Variants in KIF6 observed in about 807,000 individuals in gnomAD.
The protein encoded by KIF6 is kinesin family member 6, also known as kinesin-like protein KIF6.
Under a neutral mutation model 112.7 loss-of-function variants are expected in KIF6, and 106 were observed. That is an observed-to-expected ratio of 0.94 (90% confidence interval 0.80 to 1.11). KIF6 has a LOEUF of 1.11. Ranked by LOEUF, KIF6 falls within the 50% of genes least tolerant of loss-of-function variation. KIF6 has a pLI of 0.00. For missense variants in KIF6, 929 were observed against 964.0 expected (o/e 0.96, Z 0.48); for synonymous variants, 339 against 339.9 (o/e 1.00, Z 0.03).
At chr6:39,660,796 T>G (rs1394529416) in intron 3 of KIF6, among the ~76,000 whole-genome samples, 1 of 152,232 alleles carries the variant, frequency 6.6e-6, no homozygotes, top group Non-Finnish European at 1.5e-5. Flanking sequence ...GCGTCCATTT[T>G]CTTTCTAAAT....
chr6:39,705,562 C>G (rs1789154781), intron 3 of KIF6, among the ~76,000 whole-genome samples: 1 of 152,190 alleles, frequency 6.6e-6, no homozygotes, highest in African/African-American at 2.4e-5. Context: ...ACACCTGACA[C>G]TATTCTAGGA....
chr6:39,377,885 T>C (rs1350629795), intron 16 of KIF6, among the ~76,000 whole-genome samples: 1 of 152,058 alleles, frequency 6.6e-6, no homozygotes, highest in African/African-American at 2.4e-5. Context: ...GCTGCTTTTG[T>C]TCAAGGAGAT....
intron 13 of KIF6, among the ~76,000 whole-genome samples, chr6:39,446,074 CA>C (rs1772292334): frequency 1.3e-5 from 2 of 152,122 alleles, no homozygotes; most frequent in Admixed American, 6.5e-5. Flanking sequence ...GATTCCTGTT[CA>C]GTGGTGGGGG....
At chr6:39,418,303 T>A (rs1770082499) in intron 15 of KIF6, among the ~76,000 whole-genome samples, 1 of 152,258 alleles carries the variant, frequency 6.6e-6, no homozygotes, top group African/African-American at 2.4e-5. Flanking sequence ...GGCAGTCTGA[T>A]GACCTTACGG....
intron 3 of KIF6, among the ~76,000 whole-genome samples, chr6:39,643,112 A>T (rs1049526680): frequency 6.6e-6 from 1 of 152,216 alleles, no homozygotes; most frequent in Non-Finnish European, 1.5e-5. Context: ...CAGACATAGA[A>T]GTCTCTATTT....
chr6:39,385,773 G>T, intron 15 of KIF6, 101 bp from the exon 16 acceptor site: 1 of 756,584 alleles, frequency 1.3e-6, no homozygotes, highest in Non-Finnish European at 2.3e-6. Flanking sequence ...AAAAAAAAAG[G>T]TAGAGTAAGG....
At chr6:39,356,275 C>CTT (rs1206487444) in intron 19 of KIF6, among the ~76,000 whole-genome samples, 1 of 145,588 alleles carries the variant, frequency 6.9e-6, no homozygotes, top group Non-Finnish European at 1.5e-5. Context: ...ACACCTTCTT[C>CTT]TTTTTTTTTT....
chr6:39,559,379 G>A (rs1779893910), intron 10 of KIF6, among the ~76,000 whole-genome samples: 1 of 152,090 alleles, frequency 6.6e-6, no homozygotes, highest in Non-Finnish European at 1.5e-5. Flanking sequence ...TCATGATGCA[G>A]GATGTTTCTC....
chr6:39,539,121 G>C (rs1778634198), intron 13 of KIF6, among the ~76,000 whole-genome samples: 1 of 150,442 alleles, frequency 6.6e-6, no homozygotes, highest in Non-Finnish European at 1.5e-5. Context: ...AATGCTAAAT[G>C]ACAAGTTAAT....
chr6:39,544,508 T>G (rs767109633), intron 12 of KIF6, 47 bp downstream of exon 12: 20 of 1,578,938 alleles, frequency 1.3e-5, no homozygotes, highest in Non-Finnish European at 1.7e-5. Flanking sequence ...GTTTACCCCT[T>G]TCAAACCAGG....
At chr6:39,664,704 G>A (rs560813498) in intron 3 of KIF6, among the ~76,000 whole-genome samples, 16 of 152,160 alleles carry the variant, frequency 1.1e-4, no homozygotes, top group South Asian at 2.1e-4. Flanking sequence ...AGTTAGAGAC[G>A]CTTTTTTGCA....
intron 3 of KIF6, among the ~76,000 whole-genome samples, chr6:39,679,628 T>C (rs1159828971): frequency 6.7e-6 from 1 of 148,832 alleles, no homozygotes; most frequent in Non-Finnish European, 1.5e-5. Context: ...TTTTTTTTTT[T>C]TTTTTGAGGC....
At chr6:39,557,330 A>T (rs908450802) in intron 10 of KIF6, among the ~76,000 whole-genome samples, 2 of 152,186 alleles carry the variant, frequency 1.3e-5, no homozygotes, top group African/African-American at 4.8e-5. Context: ...TGAGTTCTGT[A>T]TTAATTGAAG....
At chr6:39,395,237 T>G (rs898042237) in intron 15 of KIF6, among the ~76,000 whole-genome samples, 2 of 152,254 alleles carry the variant, frequency 1.3e-5, no homozygotes, top group African/African-American at 4.8e-5. Flanking sequence ...CTATTGTATA[T>G]GTGTAATTAA....
At chr6:39,473,703 A>G (rs149649280) in intron 13 of KIF6, among the ~76,000 whole-genome samples, 5 of 152,228 alleles carry the variant, frequency 3.3e-5, no homozygotes, top group African/African-American at 1.2e-4. Flanking sequence ...TTATCTGAAA[A>G]ACTTCATTTC....
intron 3 of KIF6, among the ~76,000 whole-genome samples, chr6:39,662,142 A>T (rs1239239705): frequency 6.6e-6 from 1 of 152,220 alleles, no homozygotes; most frequent in African/African-American, 2.4e-5. Context: ...TTATGACTTT[A>T]ATTTAAAACA....
At chr6:39,424,004 T>TGCTC (rs898878283) in intron 14 of KIF6, among the ~76,000 whole-genome samples, 6 of 152,168 alleles carry the variant, frequency 3.9e-5, no homozygotes, top group African/African-American at 1.4e-4. Flanking sequence ...ACTCCTCAAG[T>TGCTC]GCTCCCCAGT....
At chr6:39,373,356 T>C (rs1403437688) in intron 16 of KIF6, among the ~76,000 whole-genome samples, 1 of 152,238 alleles carries the variant, frequency 6.6e-6, no homozygotes, top group Non-Finnish European at 1.5e-5. Flanking sequence ...GTGTAGTGAC[T>C]GTGTCTTGTG....
intron 3 of KIF6, among the ~76,000 whole-genome samples, chr6:39,660,644 A>G (rs912375348): frequency 6.6e-6 from 1 of 152,164 alleles, no homozygotes; most frequent in African/African-American, 2.4e-5. Flanking sequence ...AGGAGCCCCA[A>G]TATTCAATTT....
Sources: gnomAD v4.1 joint callset for allele counts (sites outside exome capture counted in the v4.1 genomes callset) on GRCh38, gnomAD v4.1.1 for gene constraint, MANE v1.5 for transcripts, NCBI Gene and HGNC (gene_info 2026-07-23, HGNC 2026-07-21) for gene names.